The following PPP2R2C variants were observed in gnomAD, a reference collection of about 807,000 sequenced individuals.
The protein encoded by PPP2R2C is protein phosphatase 2, regulatory subunit B, gamma.
Under a neutral mutation model 45.3 loss-of-function variants are expected in PPP2R2C, and 10 were observed. The ratio of observed to expected loss-of-function variants is 0.22; its 90% confidence interval spans 0.14 to 0.37. PPP2R2C has a LOEUF of 0.37. Among genes scored for constraint, PPP2R2C ranks in the 10% least tolerant of loss-of-function variants. The pLI, the probability that PPP2R2C is intolerant of heterozygous loss-of-function variation, is 1.00. For synonymous variants in PPP2R2C, 257 were observed against 245.4 expected (o/e 1.05, Z -0.44); for missense variants, 308 against 619.7 (o/e 0.50, Z 5.34).
intron 1 of PPP2R2C, among the ~76,000 whole-genome samples, chr4:6,396,540 C>T (rs1351355029): frequency 3.3e-5 from 5 of 152,264 alleles, no homozygotes; most frequent in Admixed American, 3.3e-4. Context: ...CATTGTCCAG[C>T]TGCTGCCATG....
At chr4:6,541,097 A>C (rs1161821894) in intron 1 of PPP2R2C, among the ~76,000 whole-genome samples, 2 of 152,192 alleles carry the variant, frequency 1.3e-5, no homozygotes, top group African/African-American at 2.4e-5. Context: ...CAGCTGAGTC[A>C]TTCTCTGTGG....
In PPP2R2C at chr4:6,368,630, GA is replaced by G. The variant is rs1714536260; in HGVS notation, c.625+3892del. 6.6e-6 allele frequency among the ~76,000 whole-genome samples: 1 copy of G among 152,120 alleles called. No homozygotes were observed. Among genetic ancestry groups the G allele is most frequent in the East Asian group, 1.9e-4 (1 of 5,196 alleles). ...TTTCTTCTTTACAGCCAACCTGTCT[GA>G]ATGTCTTGTGGCCACCCCGATCCAA... On this transcript the variant is annotated intron_variant, in intron 5 of 8. Transcript: ENST00000382599. The surrounding 1 kb of genome is among the most constrained non-coding windows in gnomAD (Gnocchi z 4.2).
chr4:6,428,774 T>A (rs1719466084), intron 1 of PPP2R2C, among the ~76,000 whole-genome samples: 1 of 152,232 alleles, frequency 6.6e-6, no homozygotes, highest in Non-Finnish European at 1.5e-5. Flanking sequence ...CTGTGCAAAC[T>A]GGGCAGTATT....
At chr4:6,377,212 G>A (rs1715387429) in intron 3 of PPP2R2C, among the ~76,000 whole-genome samples, 3 of 152,174 alleles carry the variant, frequency 2.0e-5, no homozygotes, top group South Asian at 4.1e-4. Context: ...ACAGCACCTC[G>A]AAGCCTGGCT....
In PPP2R2C at chr4:6,328,411, G is replaced by A. The variant is rs1487078605; in HGVS notation, c.1052+851C>T. ...ACTGAGAGGCCACCTCTCAGCTTCTGAGATCGAAACTCACAGATGGAGAGT... is the reference window on the plus strand; with the variant it reads ...ACTGAGAGGCCACCTCTCAGCTTCTAAGATCGAAACTCACAGATGGAGAGT... On this transcript the variant is annotated intron_variant, in intron 8 of 8. Coordinates refer to ENST00000382599, the MANE Select transcript of PPP2R2C (RefSeq NM_020416.4). The surrounding 1 kb of genome is among the most constrained non-coding windows in gnomAD (Gnocchi z 4.4). 6.6e-6 allele frequency among the ~76,000 whole-genome samples: 1 copy of A among 152,208 alleles called. No homozygotes were observed. The highest frequency in any genetic ancestry group is 1.5e-5 in the Non-Finnish European group (1 of 68,026).
chr4:6,529,776 A>G (rs1258692295), intron 2 of PPP2R2C, among the ~76,000 whole-genome samples: 1 of 151,674 alleles, frequency 6.6e-6, no homozygotes, highest in Non-Finnish European at 1.5e-5. Context: ...GGCTGGGTAC[A>G]CAGCAGATGC....
At position 6,440,078 on chromosome 4, in the gene PPP2R2C, G is replaced by C. The variant is rs572359985; in HGVS notation, c.70+32082C>G. Among the ~76,000 whole-genome samples the C allele has an allele frequency of 2.6e-4, 40 of 152,166 alleles. 1 individual carries two copies. Among genetic ancestry groups the C allele is most frequent in the Non-Finnish European group, 1.6e-4 (11 of 67,984 alleles). ...ACATACAGGTCTCACAGGCTGGGTG[G>C]CCCATCTTTTCCCAGAATTTGTCAA... On this transcript the variant is annotated intron_variant, in intron 1 of 8. Coordinates refer to ENST00000382599, the MANE Select transcript of PPP2R2C (RefSeq NM_020416.4).
At chr4:6,481,282 C>T (rs1430585232) in intron 2 of PPP2R2C, among the ~76,000 whole-genome samples, 2 of 152,180 alleles carry the variant, frequency 1.3e-5, no homozygotes, top group Non-Finnish European at 1.5e-5. Context: ...ACAGAATGTC[C>T]TTCCTTTATG....
Position 6,435,854 on chromosome 4 carries a change from TC to T in PPP2R2C, c.70+36305del, listed in dbSNP as rs535522583. Among the ~76,000 whole-genome samples, 407 of 152,300 alleles carry T rather than the reference TC, an allele frequency of 2.7e-3. 5 individuals are homozygous for T. The highest frequency in any genetic ancestry group is 9.2e-3 in the African/African-American group (384 of 41,550). On this transcript the variant is annotated intron_variant, in intron 1 of 8. Coordinates refer to ENST00000382599, the MANE Select transcript of PPP2R2C (RefSeq NM_020416.4). The stretch of plus-strand genomic sequence containing the variant: ...TTGTTCACCCCAGACTTCCCTGATT[TC>T]ACTTTGTGCAAAACTAGATCTGGGA...
intron 1 of PPP2R2C, among the ~76,000 whole-genome samples, chr4:6,392,086 T>A (rs762076597): frequency 2.0e-5 from 3 of 152,048 alleles, no homozygotes; most frequent in Non-Finnish European, 4.4e-5. Flanking sequence ...AGGTACAGAG[T>A]CTCTGTCTGG....
intron 1 of PPP2R2C, among the ~76,000 whole-genome samples, chr4:6,553,328 T>C (rs1725246940): frequency 6.6e-6 from 1 of 152,214 alleles, no homozygotes; most frequent in African/African-American, 2.4e-5. Context: ...GGCACCACAC[T>C]GGACAGAGAG....
rs1226958246 is a variant in PPP2R2C, at chr4:6,364,427, TC to T, written c.625+8095del. Among the ~76,000 whole-genome samples, 2 of 151,120 alleles carry T rather than the reference TC, an allele frequency of 1.3e-5. No individual in the cohort carries two copies. The highest frequency in any genetic ancestry group is 3.9e-4 in the East Asian group (2 of 5,174). On this transcript the variant is annotated intron_variant, in intron 5 of 8. Coordinates refer to ENST00000382599, the MANE Select transcript of PPP2R2C (RefSeq NM_020416.4). This position sits in a 1 kb window ranked among gnomAD's most constrained non-coding sequence, Gnocchi z 5.3. Reference sequence around the variant, plus strand: ...GGCCAGAGAAAGGGGCGGAGTTACTTCCAGTTGGGAGAAGTTGCTGAAGGGT... The same window carrying T: ...GGCCAGAGAAAGGGGCGGAGTTACTTCAGTTGGGAGAAGTTGCTGAAGGGT...
chr4:6,449,413 C>T (rs1478081247), intron 1 of PPP2R2C, among the ~76,000 whole-genome samples: 2 of 152,162 alleles, frequency 1.3e-5, no homozygotes, highest in East Asian at 3.9e-4. Context: ...ATCTTGTTTA[C>T]CCTATGAATG....
At chr4:6,381,318 T>C in intron 1 of PPP2R2C, 1 of 1,520,652 alleles carries the variant, frequency 6.6e-7, no homozygotes. Context: ...GGCAGAGATC[T>C]CGGGACTTGG....
intron 6 of PPP2R2C, among the ~76,000 whole-genome samples, chr4:6,341,682 TGTCATCACAAGG>T (rs1477167501): frequency 2.0e-5 from 3 of 152,060 alleles, no homozygotes; most frequent in Non-Finnish European, 4.4e-5. Flanking sequence ...ATGGGCCCAA[TGTCATCACAAGG>T]GTCTGTATAG....
chr4:6,439,654 C>G (rs1480322159), intron 1 of PPP2R2C, among the ~76,000 whole-genome samples: 1 of 152,176 alleles, frequency 6.6e-6, no homozygotes, highest in Non-Finnish European at 1.5e-5. Flanking sequence ...AGTCCACCCC[C>G]ATCTCATCCA....
In PPP2R2C at chr4:6,510,980, C is replaced by CAAAAAAAAAAAAAAAAAAAAAAA. The variant is rs752037080; in HGVS notation, c.49+24290_49+24291insTTTTTTTTTTTTTTTTTTTTTTT. Among the ~76,000 whole-genome samples the CAAAAAAAAAAAAAAAAAAAAAAA allele has an allele frequency of 1.5e-4, 6 of 41,340 alleles. 1 individual carries two copies. Among genetic ancestry groups the CAAAAAAAAAAAAAAAAAAAAAAA allele is most frequent in the East Asian group, 9.1e-4 (1 of 1,102 alleles). The allele number at this position is 41,340 out of a possible 152,430, so 27.1% of individuals were successfully genotyped here. A position where few individuals can be genotyped will look rare whatever the true frequency, so the allele number is the denominator to read the frequency against. On this transcript the variant is annotated intron_variant, in intron 2 of 9. Transcript: ENST00000506140. ...CAACAGAGTGAGACTCCGTCTCAAA[C>CAAAAAAAAAAAAAAAAAAAAAAA]AAAAAAAAACAAACAAACAAAAAAA...
chr4:6,526,762 G>A (rs530059025), intron 2 of PPP2R2C, among the ~76,000 whole-genome samples: 1 of 152,306 alleles, frequency 6.6e-6, no homozygotes, highest in African/African-American at 2.4e-5. Flanking sequence ...AGGGTGCAGA[G>A]AACCAACCCT....
In PPP2R2C at chr4:6,321,472, A is replaced by G. The variant is rs773055626; in HGVS notation, c.*1830T>C. The G allele has an allele frequency of 2.1e-4, 32 of 152,488 alleles. No individual in the cohort carries two copies. Among genetic ancestry groups the G allele is most frequent in the Non-Finnish European group, 3.1e-4 (21 of 68,028 alleles). 9.4% of individuals were successfully genotyped at this position (152,488 alleles called of 1,614,324 possible). On this transcript the variant is annotated 3_prime_UTR_variant, in exon 9 of 9. Coordinates refer to ENST00000382599, the MANE Select transcript of PPP2R2C (RefSeq NM_020416.4). ...ATTTTATAGTGATATATAAACAAAC[A>G]TTCTTCATTCACGTTGATTAAAAAA...
Sources: gnomAD v4.1 joint callset for allele counts (sites outside exome capture counted in the v4.1 genomes callset) on GRCh38, gnomAD v4.1.1 for gene constraint, Gnocchi (gnomAD v3.1) non-coding constraint, MANE v1.5 for transcripts, NCBI Gene and HGNC (gene_info 2026-07-23, HGNC 2026-07-21) for gene names.